The following ABCB4 variants were observed in gnomAD, a reference collection of about 807,000 sequenced individuals.
ABCB4 encodes the protein ATP binding cassette subfamily B member 4, also known as phosphatidylcholine translocator ABCB4.
ABCB4 carries 76 observed loss-of-function variants against 145.7 expected under a neutral mutation model. That is an observed-to-expected ratio of 0.52 (90% CI 0.43 to 0.63). The LOEUF (loss-of-function observed/expected upper bound fraction) is 0.63, where lower values mean the gene tolerates loss of function less well. Ranked by LOEUF, ABCB4 falls within the 30% of genes least tolerant of loss-of-function variation. ABCB4 has a pLI of 0.00. For missense variants in ABCB4, 1,234 were observed against 1,553.1 expected (o/e 0.79, Z 3.45); for synonymous variants, 517 against 566.8 (o/e 0.91, Z 1.25).
intron 26 of ABCB4, among the ~76,000 whole-genome samples, chr7:87,404,425 A>G (rs1440356907): frequency 6.6e-6 from 1 of 152,204 alleles, no homozygotes; most frequent in African/African-American, 2.4e-5. Context: ...AGAAAAAAAC[A>G]TGGAGAAAAT....
rs961144169 is a variant in ABCB4 at position 87,402,035 on chromosome 7, C to A, written c.*61G>T. 12 of 1,585,284 alleles carry A rather than the reference C, an allele frequency of 7.6e-6. No individual in the cohort carries two copies. The highest frequency in any genetic ancestry group is 1.0e-5 in the Non-Finnish European group (12 of 1,159,086). ...GATGACAAACCAGAAACTTATTTTA[C>A]AAGTCAGATAAAATGGTAGAATAAT... On this transcript the variant is annotated 3_prime_UTR_variant, in exon 28 of 28. Coordinates refer to ENST00000649586, the MANE Select transcript of ABCB4 (RefSeq NM_000443.4).
chr7:87,459,080 C>T (rs1812287777), intron 4 of ABCB4, among the ~76,000 whole-genome samples: 1 of 151,544 alleles, frequency 6.6e-6, no homozygotes, highest in Non-Finnish European at 1.5e-5. Flanking sequence ...TAAAATTGGT[C>T]CAAAAGAGAA....
rs140592811 is a variant in ABCB4, at chr7:87,403,225, C to T, written c.3543G>A (p.Gln1181=). Residue 1181 remains glutamine (Q), a synonymous_variant, in exon 27 of 28, where the codon CAG becomes CAA. Transcript: ENST00000649586. ...TGAGGGCTCGGGCAATAGCAATCCT[C>T]TGTTTTTGACCTCCTGAGAGCTGAG... The part of the protein sequence containing the change: ...KGTQLSGGQK[Q]RIAIARALIR... 360 of 1,614,080 alleles carry T rather than the reference C, an allele frequency of 2.2e-4. No individual in the cohort carries two copies. The highest frequency in any genetic ancestry group is 2.9e-4 in the Non-Finnish European group (339 of 1,179,956).
In ABCB4 at chr7:87,418,623, A is replaced by G. The variant is rs377462787; in HGVS notation, c.2395-3T>C. The G allele has an allele frequency of 4.8e-5, 77 of 1,613,628 alleles. No homozygotes were observed. The African/African-American group carries it at 8.9e-4, about 19-fold the overall frequency. On this transcript the variant is annotated splice_region_variant and splice_polypyrimidine_tract_variant and intron_variant, in intron 19 of 27. Coordinates refer to ENST00000649586, the MANE Select transcript of ABCB4 (RefSeq NM_000443.4). ...TGGTCATCAAACCAGCTCATGTCCTATGGCATAAAATACACGTTTATGTTA... is the reference window on the plus strand; with the variant it reads ...TGGTCATCAAACCAGCTCATGTCCTGTGGCATAAAATACACGTTTATGTTA...
At chr7:87,421,772 T>G (rs1809454612) in intron 18 of ABCB4, among the ~76,000 whole-genome samples, 1 of 152,200 alleles carries the variant, frequency 6.6e-6, no homozygotes, top group African/African-American at 2.4e-5. Context: ...ATCAGAGAAG[T>G]TACTTGATAT....
chr7:87,458,302 T>G (rs1460584043), intron 4 of ABCB4, among the ~76,000 whole-genome samples: 1 of 152,246 alleles, frequency 6.6e-6, no homozygotes, highest in Non-Finnish European at 1.5e-5. Context: ...TGTGCATACT[T>G]TCTGCACAAC....
intron 6 of ABCB4, 26 bp from the exon 7 acceptor site, chr7:87,451,820 T>C (rs775541305): frequency 6.2e-7 from 1 of 1,612,586 alleles, no homozygotes; most frequent in Non-Finnish European, 8.5e-7. Flanking sequence ...CCTAAGTGGT[T>C]ACAGGCAGGA....
At position 87,458,272 on chromosome 7, in the gene ABCB4, G is replaced by A. The variant is rs542180303; in HGVS notation, c.287-3680C>T. 5.3e-5 allele frequency among the ~76,000 whole-genome samples: 8 copies of A among 152,316 alleles called. No homozygotes were observed. The South Asian group carries it at 8.3e-4, about 16-fold the overall frequency. ...TGTTTTCTCCAACTCCGTCCTTAAT[G>A]TTTTGGATGCAGAATGTTGTGTGCA... On this transcript the variant is annotated intron_variant, in intron 4 of 27. Coordinates refer to ENST00000649586, the MANE Select transcript of ABCB4 (RefSeq NM_000443.4).
chr7:87,427,075 C>G (rs1255925449), intron 15 of ABCB4, among the ~76,000 whole-genome samples, 155 bp from the exon 16 acceptor site: 1 of 151,750 alleles, frequency 6.6e-6, no homozygotes, highest in Non-Finnish European at 1.5e-5. Context: ...GCTTCTCAAT[C>G]AAGGATAGCT....
upstream of ABCB4, chr7:87,475,712 G>C (rs1813770574): frequency 2.2e-6 from 1 of 448,244 alleles, no homozygotes; most frequent in Non-Finnish European, 3.9e-6. Flanking sequence ...TGCTCGCCGC[G>C]GCCTCGCCCC....
chr7:87,405,308 C>T (rs1419601987), intron 26 of ABCB4, among the ~76,000 whole-genome samples: 11 of 151,592 alleles, frequency 7.3e-5, no homozygotes, highest in Admixed American at 1.3e-4. Flanking sequence ...ATTATACAAA[C>T]GGAGAACAGA....
At chr7:87,381,720 CA>C in the ABCB4 span, among the ~76,000 whole-genome samples, 3 of 152,068 alleles carry the variant, frequency 2.0e-5, no homozygotes, top group African/African-American at 7.2e-5. Flanking sequence ...ACTTTTTTTC[CA>C]AAAAATAAAA....
intron 15 of ABCB4, among the ~76,000 whole-genome samples, chr7:87,428,803 C>T (rs915999862): frequency 6.6e-6 from 1 of 152,250 alleles, no homozygotes; most frequent in Admixed American, 6.5e-5. Flanking sequence ...TACTGTTTAA[C>T]TCTTTAGGCT....
intron 2 of ABCB4, among the ~76,000 whole-genome samples, chr7:87,473,253 T>C (rs112839680): frequency 2.0e-4 from 30 of 152,328 alleles, no homozygotes; most frequent in African/African-American, 7.0e-4. Flanking sequence ...TACAATGGCT[T>C]TCCTTTTTCT....
chr7:87,370,357 AT>A, the ABCB4 span, among the ~76,000 whole-genome samples: 1 of 151,936 alleles, frequency 6.6e-6, no homozygotes, highest in Admixed American at 6.5e-5. Context: ...TAATTATTGT[AT>A]TTTTAGTAGG....
the ABCB4 span, among the ~76,000 whole-genome samples, chr7:87,378,180 C>CA: frequency 5.0e-4 from 76 of 151,892 alleles, no homozygotes; most frequent in African/African-American, 1.8e-3. Context: ...CCCGTCTCTA[C>CA]AAAAAATACA....
chr7:87,406,465 G>T lies in ABCB4; in HGVS notation c.3309C>A (p.Leu1103=), dbSNP rs1358779693. Residue 1103 remains leucine (L), a synonymous_variant, in exon 26 of 28, where the codon CTC becomes CTA. Transcript: ENST00000649586. ...VLLDGQEAKK[L]NVQWLRAQLG... The stretch of plus-strand genomic sequence containing the variant: ...GTTGAGCTCTGAGCCACTGGACATT[G>T]AGTTTCTTTGCTTCTTGACCATCGA... 6 of 1,613,748 alleles carry T rather than the reference G, an allele frequency of 3.7e-6. No homozygotes were observed. The highest frequency in any genetic ancestry group is 1.3e-5 in the African/African-American group (1 of 74,812).
intron 7 of ABCB4, 147 bp from the exon 8 acceptor site, chr7:87,450,239 C>A: frequency 8.7e-7 from 1 of 1,145,926 alleles, no homozygotes; most frequent in Non-Finnish European, 1.3e-6. Context: ...GTTCTGGATC[C>A]AATGGCTGCG....
chr7:87,373,872 G>A, the ABCB4 span, among the ~76,000 whole-genome samples: 4 of 152,036 alleles, frequency 2.6e-5, no homozygotes, highest in African/African-American at 9.7e-5. Context: ...GTATGGAGAC[G>A]ACAATGGGAC....
Sources: allele counts gnomAD v4.1 joint callset (sites outside exome capture counted in the v4.1 genomes callset), GRCh38; gene constraint gnomAD v4.1.1; transcripts MANE v1.5; gene names NCBI Gene and HGNC (gene_info 2026-07-23, HGNC 2026-07-21).